The following RAPGEF6 variants were observed in gnomAD, a reference collection of about 807,000 sequenced individuals.
The protein encoded by RAPGEF6 is Rap guanine nucleotide exchange factor 6, also known as PDZ domain containing guanine nucleotide exchange factor (GEF) 2.
In RAPGEF6, 56 loss-of-function variants were observed where a neutral mutation model predicts 171.4. The observed-to-expected ratio is 0.33, with a 90% CI of 0.26 to 0.41. The LOEUF is 0.41. RAPGEF6 is among the 10% of genes least tolerant of loss of function. The probability of loss-of-function intolerance (pLI) is 1.00; values close to 1 mark genes in which losing one functional copy is unlikely to be tolerated. For synonymous variants in RAPGEF6, 692 were observed against 650.1 expected, an observed-to-expected ratio of 1.06 and a Z score of -0.98; for missense variants, 1,674 against 1,921.4, an observed-to-expected ratio of 0.87 and a Z score of 2.41.
intron 15 of RAPGEF6, among the ~76,000 whole-genome samples, chr5:131,483,570 A>T (rs898760852): frequency 6.6e-6 from 1 of 152,110 alleles, no homozygotes; most frequent in Non-Finnish European, 1.5e-5. Context: ...AGTGCCAAAG[A>T]ATCTATAAAA....
intron 19 of RAPGEF6, among the ~76,000 whole-genome samples, chr5:131,459,377 T>A (rs1446227009): frequency 6.6e-6 from 1 of 152,216 alleles, no homozygotes; most frequent in African/African-American, 2.4e-5. Context: ...TGAATACTCT[T>A]AACCTTATTA....
At chr5:131,430,092 A>T (rs1751606925) in intron 26 of RAPGEF6, among the ~76,000 whole-genome samples, 2 of 151,836 alleles carry the variant, frequency 1.3e-5, no homozygotes, top group Admixed American at 6.6e-5. Flanking sequence ...TGAGCTAAAA[A>T]CCCAACCTAT....
intron 15 of RAPGEF6, among the ~76,000 whole-genome samples, chr5:131,483,382 T>C (rs1755630982): frequency 6.7e-6 from 1 of 149,628 alleles, no homozygotes; most frequent in African/African-American, 2.5e-5. Flanking sequence ...ATTTCTCCAC[T>C]GGACATGAGT....
At chr5:131,553,850 C>T (rs1761060357) in intron 5 of RAPGEF6, among the ~76,000 whole-genome samples, 1 of 151,100 alleles carries the variant, frequency 6.6e-6, no homozygotes, top group Non-Finnish European at 1.5e-5. Flanking sequence ...ATCCAGAAGA[C>T]TTACTCAACA....
chr5:131,604,983 C>A (rs1160461606), intron 1 of RAPGEF6, among the ~76,000 whole-genome samples: 1 of 152,174 alleles, frequency 6.6e-6, no homozygotes, highest in African/African-American at 2.4e-5. Flanking sequence ...TATTTCACTT[C>A]TAAGCAGATG....
intron 5 of RAPGEF6, among the ~76,000 whole-genome samples, chr5:131,558,999 A>C (rs899832275): frequency 2.0e-5 from 3 of 152,128 alleles, no homozygotes; most frequent in African/African-American, 7.2e-5. Flanking sequence ...TTACTGACTC[A>C]TGGTGGTTGT....
chr5:131,506,702 A>G (rs2149890790), intron 9 of RAPGEF6, among the ~76,000 whole-genome samples: 1 of 152,250 alleles, frequency 6.6e-6, no homozygotes, highest in South Asian at 2.1e-4. Flanking sequence ...TTTCACCACT[A>G]TATCCCCGTA....
Position 131,452,219 on chromosome 5 carries a change from C to CAA in RAPGEF6, c.3200+833_3200+834dup, listed in dbSNP as rs11464750. Among the ~76,000 whole-genome samples the CAA allele has an allele frequency of 4.7e-3, 677 of 143,246 alleles. 3 individuals carry two copies. The highest frequency in any genetic ancestry group is 0.012 in the African/African-American group (465 of 39,028). 94.0% of individuals were successfully genotyped at this position (143,246 alleles called of 152,430 possible). A position where few individuals can be genotyped will look rare whatever the true frequency, so the allele number is the denominator to read the frequency against. The stretch of plus-strand genomic sequence containing the variant: ...TGGGCGACAGAGCGAGACTCCGTCT[C>CAA]AAAAAAAAAAAAAAATTACTAGGAA... On this transcript the variant is annotated intron_variant, in intron 21 of 27. Transcript: ENST00000509018.
intron 3 of RAPGEF6, among the ~76,000 whole-genome samples, chr5:131,593,687 G>A (rs894410130): frequency 1.3e-5 from 2 of 152,202 alleles, no homozygotes; most frequent in Non-Finnish European, 2.9e-5. Context: ...CTCTTGCTAT[G>A]CTTTAGCAAT....
chr5:131,525,763 A>G (rs7734666), intron 6 of RAPGEF6, among the ~76,000 whole-genome samples: 96,762 of 151,812 alleles, frequency 0.64, 32,603 homozygotes, highest in Non-Finnish European at 0.77. Context: ...GGGGTAGGAG[A>G]TAGTATATAT....
intron 4 of RAPGEF6, among the ~76,000 whole-genome samples, chr5:131,562,439 T>C (rs1356274937): frequency 6.6e-6 from 1 of 152,142 alleles, no homozygotes; most frequent in African/African-American, 2.4e-5. Flanking sequence ...AAGTAAATTA[T>C]TATAATCTTT....
intron 1 of RAPGEF6, among the ~76,000 whole-genome samples, chr5:131,623,258 T>C (rs1392497511): frequency 1.3e-5 from 2 of 152,216 alleles, no homozygotes; most frequent in Non-Finnish European, 2.9e-5. Context: ...GGAATCTTTC[T>C]TTCAAGATAT....
intron 2 of RAPGEF6, among the ~76,000 whole-genome samples, chr5:131,603,977 T>C (rs968040523): frequency 7.2e-5 from 11 of 152,122 alleles, no homozygotes; most frequent in African/African-American, 2.4e-4. Flanking sequence ...AAGTGTTTTA[T>C]AGCACTCGAA....
chr5:131,633,961 T>C (rs903482965), intron 1 of RAPGEF6, among the ~76,000 whole-genome samples: 4 of 152,198 alleles, frequency 2.6e-5, no homozygotes, highest in African/African-American at 9.7e-5. Flanking sequence ...TTTGTGTTGT[T>C]CCTATGCAAA....
At position 131,463,543 on chromosome 5, in the gene RAPGEF6, C is replaced by A. The variant is rs542617453; in HGVS notation, c.2480+498G>T. ...GCAGTGAGCTGAGATCGCGCCACTG[C>A]ACTCCAGCCTGGGCGACAGAGGGAG... is the stretch of plus-strand genomic sequence containing the variant. On this transcript the variant is annotated intron_variant, in intron 18 of 27. Coordinates refer to ENST00000509018, the MANE Select transcript of RAPGEF6 (RefSeq NM_016340.6). The A allele has an allele frequency of 6.8e-5, 22 of 323,770 alleles. 1 individual carries two copies. The highest frequency in any genetic ancestry group is 9.5e-5 in the Non-Finnish European group (22 of 232,744). 20.1% of individuals were successfully genotyped at this position (323,770 alleles called of 1,614,324 possible). A position where few individuals can be genotyped will look rare whatever the true frequency, so the allele number is the denominator to read the frequency against.
At chr5:131,458,707 G>A (rs1025365103) in intron 19 of RAPGEF6, among the ~76,000 whole-genome samples, 1 of 152,192 alleles carries the variant, frequency 6.6e-6, no homozygotes, top group African/African-American at 2.4e-5. Context: ...AGGCTGGAGT[G>A]CAGTGGCATG....
At chr5:131,432,874 T>C (rs1751793755) in intron 25 of RAPGEF6, among the ~76,000 whole-genome samples, 1 of 152,212 alleles carries the variant, frequency 6.6e-6, no homozygotes, top group South Asian at 2.1e-4. Context: ...CATATTAAAG[T>C]AGACCAGATT....
intron 5 of RAPGEF6, among the ~76,000 whole-genome samples, chr5:131,551,507 A>T (rs1421457537): frequency 1.1e-5 from 1 of 92,586 alleles, no homozygotes; most frequent in African/African-American, 3.9e-5. Flanking sequence ...GTGAGACTCC[A>T]TCTCAAAAAA....
intron 22 of RAPGEF6, 36 bp from the exon 23 acceptor site, chr5:131,442,573 T>C: frequency 6.2e-7 from 1 of 1,607,014 alleles, no homozygotes; most frequent in Admixed American, 1.7e-5. Flanking sequence ...TAACTGCACG[T>C]TTTTAGGCAA....
Sources: allele counts gnomAD v4.1 joint callset (sites outside exome capture counted in the v4.1 genomes callset), GRCh38; gene constraint gnomAD v4.1.1; transcripts MANE v1.5; gene names NCBI Gene and HGNC (gene_info 2026-07-23, HGNC 2026-07-21).